The following SCHIP1 variants were observed in gnomAD, a reference collection of about 807,000 sequenced individuals.
SCHIP1 encodes the protein schwannomin interacting protein 1.
SCHIP1 carries 8 observed loss-of-function variants against 29.7 expected under a neutral mutation model. That is an observed-to-expected ratio of 0.27 (90% CI 0.16 to 0.49). SCHIP1 has a LOEUF of 0.49. Among genes scored for constraint, SCHIP1 ranks in the 20% least tolerant of loss-of-function variants. SCHIP1 has a pLI of 0.99. For missense variants in SCHIP1, 193 were observed against 294.6 expected, an observed-to-expected ratio of 0.66 and a Z score of 2.52; for synonymous variants, 76 against 94.9, an observed-to-expected ratio of 0.80 and a Z score of 1.16.
the SCHIP1 span, among the ~76,000 whole-genome samples, chr3:159,698,025 A>G: frequency 6.6e-6 from 1 of 152,340 alleles, no homozygotes; most frequent in East Asian, 1.9e-4. Flanking sequence ...TTGGCACCAC[A>G]CACATCTGCT....
chr3:159,638,294 T>C, the SCHIP1 span, among the ~76,000 whole-genome samples: 4 of 152,234 alleles, frequency 2.6e-5, no homozygotes, highest in Non-Finnish European at 5.9e-5. Flanking sequence ...ATTTCATGCT[T>C]GACATCCTAA....
At chr3:159,747,063 G>A in the SCHIP1 span, among the ~76,000 whole-genome samples, 1 of 152,100 alleles carries the variant, frequency 6.6e-6, no homozygotes, top group African/African-American at 2.4e-5. Context: ...TGAACTCTTT[G>A]ACCTCTTTCA....
At chr3:159,396,051 A>G in the SCHIP1 span, among the ~76,000 whole-genome samples, 3 of 149,842 alleles carry the variant, frequency 2.0e-5, no homozygotes, top group African/African-American at 7.3e-5. Flanking sequence ...TTCTTGTTGA[A>G]TTGATCCCTT....
At chr3:159,563,887 T>C in the SCHIP1 span, among the ~76,000 whole-genome samples, 1 of 152,248 alleles carries the variant, frequency 6.6e-6, no homozygotes, top group African/African-American at 2.4e-5. Flanking sequence ...AATCTAAATG[T>C]CCTCTCACAT....
At chr3:159,560,706 C>G in the SCHIP1 span, among the ~76,000 whole-genome samples, 1 of 151,528 alleles carries the variant, frequency 6.6e-6, no homozygotes, top group African/African-American at 2.4e-5. Flanking sequence ...CAAGTTGCCC[C>G]CCTTCACTTA....
At chr3:159,479,500 A>C in the SCHIP1 span, among the ~76,000 whole-genome samples, 59 of 152,280 alleles carry the variant, frequency 3.9e-4, no homozygotes, top group Non-Finnish European at 6.6e-4. Flanking sequence ...ATTTTTTCAC[A>C]TACGGTCAGA....
the SCHIP1 span, among the ~76,000 whole-genome samples, chr3:159,316,402 T>C: frequency 6.6e-6 from 1 of 152,116 alleles, no homozygotes; most frequent in Non-Finnish European, 1.5e-5. Flanking sequence ...TTCACATTTT[T>C]CCGCCTGCTT....
At chr3:159,478,594 A>G in the SCHIP1 span, among the ~76,000 whole-genome samples, 19 of 151,884 alleles carry the variant, frequency 1.3e-4, no homozygotes, top group African/African-American at 4.1e-4. Flanking sequence ...GAAGAGTTGT[A>G]TTTTCTATTC....
the SCHIP1 span, among the ~76,000 whole-genome samples, chr3:159,454,622 C>A: frequency 6.6e-6 from 1 of 152,128 alleles, no homozygotes; most frequent in Non-Finnish European, 1.5e-5. Context: ...CTATAGCAAA[C>A]AATAATAGAA....
At chr3:159,725,557 G>A in the SCHIP1 span, among the ~76,000 whole-genome samples, 5 of 152,236 alleles carry the variant, frequency 3.3e-5, no homozygotes, top group Admixed American at 6.5e-5. Context: ...GAGCCACCAC[G>A]CCTGGCCTCA....
chr3:159,796,561 A>T, the SCHIP1 span, among the ~76,000 whole-genome samples: 4 of 152,178 alleles, frequency 2.6e-5, no homozygotes, highest in Admixed American at 1.3e-4. Flanking sequence ...TCTGCAGGTG[A>T]CAGGGAGAAA....
the SCHIP1 span, among the ~76,000 whole-genome samples, chr3:159,493,764 C>T: frequency 1.2e-4 from 19 of 152,172 alleles, no homozygotes; most frequent in East Asian, 1.5e-3. Context: ...AATAGACATC[C>T]ACAGAACTCT....
At chr3:159,515,007 G>T in the SCHIP1 span, among the ~76,000 whole-genome samples, 10 of 152,010 alleles carry the variant, frequency 6.6e-5, no homozygotes, top group Admixed American at 2.6e-4. Context: ...TATATCCAGT[G>T]TATCAGGAAA....
the SCHIP1 span, among the ~76,000 whole-genome samples, chr3:159,694,572 G>T: frequency 5.4e-5 from 8 of 148,922 alleles, no homozygotes; most frequent in Admixed American, 2.7e-4. Context: ...AAGAAAGAAA[G>T]AAAGAAAGAA....
chr3:159,319,070 T>C, the SCHIP1 span, among the ~76,000 whole-genome samples: 1 of 152,168 alleles, frequency 6.6e-6, no homozygotes, highest in Non-Finnish European at 1.5e-5. Flanking sequence ...CAGGCATCAT[T>C]GGATCTGAAT....
chr3:159,601,961 T>C, the SCHIP1 span, among the ~76,000 whole-genome samples: 2 of 152,208 alleles, frequency 1.3e-5, no homozygotes, highest in East Asian at 3.9e-4. Flanking sequence ...AAGTGTACTC[T>C]GCCATACCCG....
the SCHIP1 span, among the ~76,000 whole-genome samples, chr3:159,323,947 TAG>T: frequency 1.7e-4 from 26 of 152,124 alleles, no homozygotes; most frequent in Non-Finnish European, 1.8e-4. Flanking sequence ...GACCAAAAAA[TAG>T]AGAAACTGTC....
the SCHIP1 span, among the ~76,000 whole-genome samples, chr3:159,571,872 G>A: frequency 1.3e-5 from 2 of 152,114 alleles, no homozygotes; most frequent in African/African-American, 4.8e-5. Context: ...TATGTGTCGA[G>A]GAATTTATCC....
the SCHIP1 span, among the ~76,000 whole-genome samples, chr3:159,734,787 C>CTTTTTTTTT: frequency 4.7e-4 from 52 of 110,478 alleles, no homozygotes; most frequent in African/African-American, 8.1e-4. Context: ...CTTTTCTTGT[C>CTTTTTTTTT]TTTTTTTTTT....
Sources: allele counts gnomAD v4.1 joint callset (sites outside exome capture counted in the v4.1 genomes callset), GRCh38; gene constraint gnomAD v4.1.1; transcripts MANE v1.5; gene names NCBI Gene and HGNC (gene_info 2026-07-23, HGNC 2026-07-21).